The following SH3KBP1 variants were observed in gnomAD, a reference collection of about 807,000 sequenced individuals.
SH3KBP1 encodes the protein SH3 domain-containing kinase-binding protein 1.
Under a neutral mutation model 50.1 loss-of-function variants are expected in SH3KBP1, and 8 were observed. That is an observed-to-expected ratio of 0.16 (90% CI 0.09 to 0.29). SH3KBP1 has a LOEUF of 0.29. Ranked by LOEUF, SH3KBP1 falls within the 10% of genes least tolerant of loss-of-function variation. The probability of loss-of-function intolerance (pLI) is 1.00; values close to 1 mark genes in which losing one functional copy is unlikely to be tolerated. For missense variants in SH3KBP1, 377 were observed against 535.2 expected (o/e 0.70, Z 2.92); for synonymous variants, 227 against 218.6 (o/e 1.04, Z -0.34).
At chrX:19,602,654 T>C (rs1394682320) in intron 9 of SH3KBP1, among the ~76,000 whole-genome samples, 1 of 112,541 alleles carries the variant, frequency 8.9e-6, no homozygotes, top group African/African-American at 3.2e-5. Context: ...ATCGGGCATC[T>C]TCAGAAACTA....
At chrX:19,843,240 G>A (rs1183356948) in intron 1 of SH3KBP1, among the ~76,000 whole-genome samples, 2 of 108,930 alleles carry the variant, frequency 1.8e-5, no homozygotes, top group African/African-American at 6.7e-5. Flanking sequence ...GGCTGGTCTC[G>A]AACTCCTGAC....
intron 2 of SH3KBP1, among the ~76,000 whole-genome samples, chrX:19,806,658 A>T (rs1398736301): frequency 8.9e-6 from 1 of 111,912 alleles, no homozygotes; most frequent in African/African-American, 3.2e-5. Flanking sequence ...AACACTGTAT[A>T]GTATTCTGCT....
intron 2 of SH3KBP1, among the ~76,000 whole-genome samples, chrX:19,811,579 G>A (rs2067209021): frequency 8.9e-6 from 1 of 112,196 alleles, no homozygotes; most frequent in Non-Finnish European, 1.9e-5. Context: ...CAATTATGTT[G>A]TAGTATAATC....
intron 1 of SH3KBP1, among the ~76,000 whole-genome samples, chrX:19,883,674 T>C (rs754872771): frequency 1.5e-3 from 170 of 111,648 alleles, no homozygotes; most frequent in South Asian, 3.0e-3. Flanking sequence ...AAGGCCACTC[T>C]GCGACCAGGA....
intron 3 of SH3KBP1, among the ~76,000 whole-genome samples, chrX:19,723,753 G>T (rs1263639931): frequency 9.0e-6 from 1 of 111,559 alleles, no homozygotes; most frequent in Admixed American, 9.5e-5. Flanking sequence ...TAAAAGAAAA[G>T]GTCAAACTAG....
intron 6 of SH3KBP1, among the ~76,000 whole-genome samples, chrX:19,666,760 A>G (rs1353625884): frequency 9.0e-6 from 1 of 111,724 alleles, no homozygotes; most frequent in East Asian, 2.8e-4. Flanking sequence ...CGAGTGAAAC[A>G]ATGCAGCCAC....
chrX:19,585,044 G>A (rs185545031), intron 12 of SH3KBP1, among the ~76,000 whole-genome samples: 97 of 112,258 alleles, frequency 8.6e-4, no homozygotes, highest in African/African-American at 2.8e-3. Flanking sequence ...GAAAACAAGT[G>A]CATAAACCAA....
chrX:19,760,041 C>CTCTCTCTCTCTCTCTCT (rs1472663912), intron 2 of SH3KBP1, among the ~76,000 whole-genome samples: 1 of 50,459 alleles, frequency 2.0e-5, no homozygotes, highest in African/African-American at 9.3e-5. Flanking sequence ...TCTCTCTCTC[C>CTCTCTCTCTCTCTCTCT]CTCTCTCTCT....
At chrX:19,878,367 G>A (rs759049031) in intron 1 of SH3KBP1, among the ~76,000 whole-genome samples, 5 of 103,376 alleles carry the variant, frequency 4.8e-5, no homozygotes, top group South Asian at 4.5e-4. Flanking sequence ...GCAGTGGTGC[G>A]ATGTCGGCTC....
chrX:19,558,751 T>C (rs2065570387), intron 13 of SH3KBP1, among the ~76,000 whole-genome samples: 1 of 112,258 alleles, frequency 8.9e-6, no homozygotes, highest in African/African-American at 3.2e-5. Flanking sequence ...TTCTTTTGGA[T>C]TGAGTTCTCA....
At chrX:19,797,482 C>T (rs926061073) in intron 2 of SH3KBP1, among the ~76,000 whole-genome samples, 1 of 111,739 alleles carries the variant, frequency 8.9e-6, no homozygotes, top group Non-Finnish European at 1.9e-5. Context: ...CCAGACCATA[C>T]GAGGCCCAGT....
chrX:19,789,114 G>C (rs1458483547), intron 2 of SH3KBP1, among the ~76,000 whole-genome samples: 1 of 111,493 alleles, frequency 9.0e-6, no homozygotes, highest in East Asian at 2.8e-4. Flanking sequence ...ATACAGCAAG[G>C]CTCCATCTCA....
At chrX:19,735,617 C>T (rs2064528142) in intron 3 of SH3KBP1, among the ~76,000 whole-genome samples, 1 of 107,052 alleles carries the variant, frequency 9.3e-6, no homozygotes, top group Admixed American at 1.0e-4. Flanking sequence ...TGTGAATTTC[C>T]CCAATTTCCT....
At chrX:19,646,075 G>C (rs2061981954) in intron 6 of SH3KBP1, among the ~76,000 whole-genome samples, 2 of 111,436 alleles carry the variant, frequency 1.8e-5, no homozygotes, top group African/African-American at 6.5e-5. Flanking sequence ...AGATCTACCT[G>C]CCTGCCACAA....
chrX:19,577,254 G>A (rs1448075827), intron 12 of SH3KBP1, among the ~76,000 whole-genome samples: 1 of 111,162 alleles, frequency 9.0e-6, no homozygotes, highest in African/African-American at 3.3e-5. Flanking sequence ...AAAGTGGCAG[G>A]GTCTAGAATT....
intron 6 of SH3KBP1, among the ~76,000 whole-genome samples, chrX:19,646,980 C>T (rs983599158): frequency 8.9e-6 from 1 of 112,189 alleles, no homozygotes; most frequent in African/African-American, 3.2e-5. Context: ...ATTCTGGCAT[C>T]AGGTCAAATT....
chrX:19,716,752 G>A (rs1298090630), intron 3 of SH3KBP1, among the ~76,000 whole-genome samples: 4 of 111,425 alleles, frequency 3.6e-5, no homozygotes, highest in Non-Finnish European at 7.5e-5. Context: ...AGGAGGTTCA[G>A]CATGCTGGCC....
At chrX:19,576,448 G>A (rs58619217) in intron 12 of SH3KBP1, among the ~76,000 whole-genome samples, 9,272 of 110,341 alleles carry the variant, frequency 0.084, 1,002 homozygotes, top group African/African-American at 0.29. Flanking sequence ...AAAAAAAAAA[G>A]AAAAGAAAAG....
At chrX:19,551,935 C>T (rs182719718) in intron 13 of SH3KBP1, among the ~76,000 whole-genome samples, 2 of 111,215 alleles carry the variant, frequency 1.8e-5, no homozygotes, top group Non-Finnish European at 3.8e-5. Flanking sequence ...ACATGATCAG[C>T]GTATAATTTT....
Sources: gnomAD v4.1 joint callset for allele counts (sites outside exome capture counted in the v4.1 genomes callset) on GRCh38, gnomAD v4.1.1 for gene constraint, MANE v1.5 for transcripts, NCBI Gene and HGNC (gene_info 2026-07-23, HGNC 2026-07-21) for gene names.